The following CATSPER2 variants were observed in gnomAD, a reference collection of about 807,000 sequenced individuals.
The protein encoded by CATSPER2 is cation channel sperm associated 2, also known as cation channel sperm-associated protein 2.
A neutral mutation model predicts 68.8 loss-of-function variants in CATSPER2; 56 were observed. That is an observed-to-expected ratio of 0.81 (90% confidence interval 0.66 to 1.02). The LOEUF is 1.02. Among genes scored for constraint, CATSPER2 ranks in the 50% least tolerant of loss-of-function variants. The pLI is 0.00. For missense variants in CATSPER2, 582 were observed against 642.0 expected (o/e 0.91, Z 1.01); for synonymous variants, 198 against 229.9 (o/e 0.86, Z 1.26).
chr15:43,639,106 G>A lies in CATSPER2; in HGVS notation c.718-78C>T. 6 of 1,559,852 alleles carry A rather than the reference G, an allele frequency of 3.8e-6. No individual in the cohort carries two copies. The South Asian group carries it at 4.5e-5, about 12-fold the overall frequency. ...CCAACAGCCCAGTCAAGCTCACCTG[G>A]CAATCCCCCACCAAACCCTCTCTTG... On this transcript the variant is annotated intron_variant, in intron 6 of 12. Coordinates refer to ENST00000396879, the MANE Select transcript of CATSPER2 (RefSeq NM_172095.4).
intron 4 of CATSPER2, among the ~76,000 whole-genome samples, chr15:43,644,485 A>T (rs1228395556): frequency 6.6e-6 from 1 of 151,818 alleles, no homozygotes; most frequent in Non-Finnish European, 1.5e-5. Flanking sequence ...TGTCTATTAG[A>T]TCTAGGGCAG....
At chr15:43,644,006 T>C (rs2086117312) in intron 4 of CATSPER2, among the ~76,000 whole-genome samples, 2 of 151,994 alleles carry the variant, frequency 1.3e-5, no homozygotes, top group Admixed American at 1.3e-4. Flanking sequence ...AAGGATTATC[T>C]ACACTTGCAT....
At chr15:43,633,441 TC>T (rs1170569427) in intron 10 of CATSPER2, 1 of 175,980 alleles carries the variant, frequency 5.7e-6, no homozygotes, top group Non-Finnish European at 1.2e-5. Context: ...CCAGCACTCT[TC>T]CCCCTGCTCA....
At chr15:43,633,568 A>G (rs1595971386) in intron 10 of CATSPER2, 1 of 157,336 alleles carries the variant, frequency 6.4e-6, no homozygotes, top group East Asian at 1.9e-4. Flanking sequence ...AGATATCCAC[A>G]TGGTAATCCC....
At chr15:43,640,552 T>C in intron 4 of CATSPER2, 56 bp from the exon 5 acceptor site, 2 of 1,611,094 alleles carry the variant, frequency 1.2e-6, no homozygotes, top group African/African-American at 1.3e-5. Flanking sequence ...AACCGAATGA[T>C]GGAGAATGAA....
chr15:43,632,257 C>G lies in CATSPER2; in HGVS notation c.1503G>C (p.Glu501Asp). The part of the protein sequence containing the change: ...WPRDSLFRYF[E>D]LLEKLQYNLE... ...GGTTATACTGAAGCTTTTCTAGCAA[C>G]TCAAAATATCGGAAGAGTGAGTCTC... The change falls in exon 12 of 13, where the codon GAG (glutamate) becomes GAC (aspartate). Residue 501 changes from glutamate (E) to aspartate (D), a missense_variant. Glu to Asp is a conservative substitution (Grantham distance 45). Transcript: ENST00000396879. 1 of 1,613,700 alleles carries G rather than the reference C, an allele frequency of 6.2e-7. No individual in the cohort carries two copies. The highest frequency in any genetic ancestry group is 8.5e-7 in the Non-Finnish European group (1 of 1,179,784).
At chr15:43,633,168 C>A (rs1266742478) in intron 10 of CATSPER2, 2 of 558,826 alleles carry the variant, frequency 3.6e-6, no homozygotes, top group Admixed American at 3.1e-5. Flanking sequence ...ACTCTACCTT[C>A]GAAATATATC....
At chr15:43,632,138 C>G in intron 12 of CATSPER2, 61 bp downstream of exon 12, 1 of 1,565,140 alleles carries the variant, frequency 6.4e-7, no homozygotes, top group South Asian at 1.1e-5. Context: ...TCCTCCTTCT[C>G]CACAGCTATA....
intron 7 of CATSPER2, among the ~76,000 whole-genome samples, chr15:43,638,605 T>C (rs977585201): frequency 6.6e-5 from 10 of 151,738 alleles, no homozygotes; most frequent in African/African-American, 1.9e-4. Flanking sequence ...TCAAAAGAGG[T>C]AACTGAGTCA....
In CATSPER2 at chr15:43,648,313, G is replaced by A. The variant is rs142729192; in HGVS notation, c.-2-250C>T. ...CGGCCAGGCATCTTCACTTTGTGATGGCATTTCTAATTAAAACTCATTAAA... is the reference window on the plus strand; with the variant it reads ...CGGCCAGGCATCTTCACTTTGTGATAGCATTTCTAATTAAAACTCATTAAA... On this transcript the variant is annotated intron_variant, in intron 1 of 12. Coordinates refer to ENST00000396879, the MANE Select transcript of CATSPER2 (RefSeq NM_172095.4). 2.2e-3 allele frequency among the ~76,000 whole-genome samples: 327 copies of A among 152,000 alleles called. 7 individuals are homozygous for A. The highest frequency in any genetic ancestry group is 7.4e-3 in the African/African-American group (307 of 41,456).
At chr15:43,635,092 T>C in intron 10 of CATSPER2, 1 of 515,342 alleles carries the variant, frequency 1.9e-6, no homozygotes. Flanking sequence ...ACCCTTGCCA[T>C]TGGATTTAGG....
At chr15:43,639,176 GCC>G in intron 6 of CATSPER2, 148 bp from the exon 7 acceptor site, 1 of 901,066 alleles carries the variant, frequency 1.1e-6, no homozygotes, top group Non-Finnish European at 1.8e-6. Flanking sequence ...CCTGTCCCCA[GCC>G]CCTTCTCATC....
At chr15:43,640,571 T>C (rs1322107457) in intron 4 of CATSPER2, 75 bp from the exon 5 acceptor site, 36 of 1,598,310 alleles carry the variant, frequency 2.3e-5, no homozygotes, top group African/African-American at 9.4e-5. Context: ...AACACACTTA[T>C]AAACCACAGT....
At chr15:43,646,915 C>T in intron 4 of CATSPER2, 135 bp downstream of exon 4, 1 of 766,490 alleles carries the variant, frequency 1.3e-6, no homozygotes, top group South Asian at 1.4e-5. Context: ...CAGGGTTTCA[C>T]CATGTTGCCC....
chr15:43,632,598 T>C (rs1389275879), intron 11 of CATSPER2, 119 bp downstream of exon 11: 2 of 1,581,316 alleles, frequency 1.3e-6, no homozygotes, highest in Non-Finnish European at 1.7e-6. Context: ...AACAAAGTAA[T>C]TAAGACCAGA....
chr15:43,636,834 CT>C (rs57237932), intron 7 of CATSPER2, among the ~76,000 whole-genome samples: 45 of 142,770 alleles, frequency 3.2e-4, no homozygotes, highest in Non-Finnish European at 2.3e-4. Flanking sequence ...ATTTTTTTTT[CT>C]TTTTTTTTTT....
At position 43,632,267 on chromosome 15, in the gene CATSPER2, C is replaced by T. The variant is rs771706891; in HGVS notation, c.1493G>A (p.Arg498Gln). The T allele has an allele frequency of 7.4e-6, 12 of 1,613,500 alleles. No homozygotes were observed. The highest frequency in any genetic ancestry group is 8.5e-6 in the Non-Finnish European group (10 of 1,179,756). Residue 498 changes from arginine to glutamine, a missense_variant, in exon 12 of 13, where the codon CGA (arginine) becomes CAA (glutamine). Coordinates refer to ENST00000396879, the MANE Select transcript of CATSPER2 (RefSeq NM_172095.4). ...DRVWPRDSLF[R>Q]YFELLEKLQY... The stretch of plus-strand genomic sequence containing the variant: ...AAGCTTTTCTAGCAACTCAAAATAT[C>T]GGAAGAGTGAGTCTCTGGGCCAAAC...
intron 10 of CATSPER2, chr15:43,634,419 T>C (rs2085929095): frequency 1.3e-5 from 2 of 151,936 alleles, no homozygotes; most frequent in African/African-American, 4.8e-5. Context: ...TTTTACCATA[T>C]TGCCTAGTTT....
chr15:43,648,303 A>G (rs1168116219), intron 1 of CATSPER2, among the ~76,000 whole-genome samples: 5 of 151,962 alleles, frequency 3.3e-5, no homozygotes, highest in Admixed American at 3.3e-4. Context: ...AGGCATCTTC[A>G]CTTTGTGATG....
Sources: gnomAD v4.1 joint callset for allele counts (sites outside exome capture counted in the v4.1 genomes callset) on GRCh38, gnomAD v4.1.1 for gene constraint, MANE v1.5 for transcripts, NCBI Gene and HGNC (gene_info 2026-07-23, HGNC 2026-07-21) for gene names.